KMT5B: variants seen among roughly 807,000 people sequenced by gnomAD.
KMT5B encodes the protein lysine methyltransferase 5B.
In KMT5B, 10 loss-of-function variants were observed where a neutral mutation model predicts 83.2. That is an observed-to-expected ratio of 0.12 (90% confidence interval 0.07 to 0.20). The LOEUF is 0.20. KMT5B is among the 10% of genes least tolerant of loss of function. KMT5B has a pLI of 1.00. For synonymous variants in KMT5B, 349 were observed against 388.8 expected (o/e 0.90, Z 1.20); for missense variants, 753 against 1,067.2 (o/e 0.71, Z 4.10).
chr11:68,173,722 C>A, intron 6 of KMT5B, 82 bp downstream of exon 6: 2 of 973,066 alleles, frequency 2.1e-6, no homozygotes, highest in Non-Finnish European at 3.1e-6. Context: ...TCATTCCTTA[C>A]CATGAATTTC....
intron 10 of KMT5B, among the ~76,000 whole-genome samples, chr11:68,160,891 G>A (rs1299688111): frequency 1.3e-5 from 2 of 152,182 alleles, no homozygotes; most frequent in South Asian, 2.1e-4. Flanking sequence ...AGTTTGCAGT[G>A]AGCCAAAATC....
chr11:68,166,155 T>C, intron 10 of KMT5B: 1 of 1,395,286 alleles, frequency 7.2e-7, no homozygotes, highest in Middle Eastern at 2.6e-4. Flanking sequence ...CTCAAGAGTC[T>C]ACTGCTTTAG....
chr11:68,165,158 C>T (rs562623321), intron 10 of KMT5B, among the ~76,000 whole-genome samples: 1 of 152,300 alleles, frequency 6.6e-6, no homozygotes, highest in South Asian at 2.1e-4. Context: ...AACTCTGTGG[C>T]TGTCTCCATA....
chr11:68,164,779 ATTATTCAGTCCCTCTG>A, intron 10 of KMT5B: 1 of 459,828 alleles, frequency 2.2e-6, no homozygotes, highest in South Asian at 1.5e-5. Context: ...GCTTAAAGCG[ATTATTCAGTCCCTCTG>A]AACTTGAAAG....
intron 1 of KMT5B, among the ~76,000 whole-genome samples, chr11:68,207,706 G>C (rs1057441030): frequency 6.7e-6 from 1 of 149,978 alleles, no homozygotes; most frequent in Non-Finnish European, 1.5e-5. Flanking sequence ...CAGGAGAATC[G>C]CTTGAACCCA....
At chr11:68,161,716 C>T (rs1046528143) in intron 10 of KMT5B, among the ~76,000 whole-genome samples, 3 of 152,148 alleles carry the variant, frequency 2.0e-5, no homozygotes, top group East Asian at 1.9e-4. Context: ...TCAAAGAGAG[C>T]GCACTCTCCT....
chr11:68,206,073 A>G (rs1297716376), intron 1 of KMT5B, among the ~76,000 whole-genome samples: 1 of 152,218 alleles, frequency 6.6e-6, no homozygotes, highest in Non-Finnish European at 1.5e-5. Context: ...TGTAAGAAAG[A>G]CTTCATGTCT....
At chr11:68,202,443 A>G (rs1218099082) in intron 1 of KMT5B, among the ~76,000 whole-genome samples, 2 of 151,678 alleles carry the variant, frequency 1.3e-5, no homozygotes, top group Non-Finnish European at 2.9e-5. Flanking sequence ...CTTGTTATAC[A>G]TTTTAACCCT....
chr11:68,170,440 T>C (rs901380641), intron 9 of KMT5B, among the ~76,000 whole-genome samples: 2 of 152,176 alleles, frequency 1.3e-5, no homozygotes, highest in Non-Finnish European at 2.9e-5. Context: ...TGACGCTCCC[T>C]TCATGGTGCT....
At chr11:68,180,936 C>T (rs574761482) in intron 3 of KMT5B, among the ~76,000 whole-genome samples, 2 of 152,084 alleles carry the variant, frequency 1.3e-5, no homozygotes, top group South Asian at 2.1e-4. Flanking sequence ...GCATTTTGTT[C>T]GTACTATTTC....
At chr11:68,201,150 C>G (rs1256704945) in intron 1 of KMT5B, among the ~76,000 whole-genome samples, 1 of 152,184 alleles carries the variant, frequency 6.6e-6, no homozygotes, top group Non-Finnish European at 1.5e-5. Context: ...AATCATAACA[C>G]GATGCCACTA....
intron 1 of KMT5B, among the ~76,000 whole-genome samples, chr11:68,209,017 G>C (rs1206289724): frequency 6.6e-6 from 1 of 152,162 alleles, no homozygotes; most frequent in African/African-American, 2.4e-5. Flanking sequence ...GGTGCCACTG[G>C]CTCACTGGCT....
In KMT5B at chr11:68,211,928, A is replaced by C. The variant is rs376173958; in HGVS notation, c.-77+1210T>G. Among the ~76,000 whole-genome samples the C allele has an allele frequency of 3.5e-4, 53 of 152,326 alleles. No individual in the cohort carries two copies. In the East Asian group the frequency reaches 7.9e-3, roughly 23 times the overall value. On this transcript the variant is annotated intron_variant, in intron 1 of 10. Coordinates refer to ENST00000304363, the MANE Select transcript of KMT5B (RefSeq NM_017635.5). ...ACCTGGGAATATAAGGCGCTCCAAG[A>C]GGGACAGGGCCACACCTCTGGTTCA...
chr11:68,185,246 C>T lies in KMT5B; in HGVS notation c.308+535G>A, dbSNP rs1313877369. Reference sequence around the variant, plus strand: ...TTGAGATGGAGTTTCGCTCTTGTTGCCCAGACTGGAGTGCAATGGCACGAT... The same window carrying T: ...TTGAGATGGAGTTTCGCTCTTGTTGTCCAGACTGGAGTGCAATGGCACGAT... On this transcript the variant is annotated intron_variant, in intron 3 of 10. Coordinates refer to ENST00000304363, the MANE Select transcript of KMT5B (RefSeq NM_017635.5). Among the ~76,000 whole-genome samples, 3 of 152,128 alleles carry T rather than the reference C, an allele frequency of 2.0e-5. No homozygotes were observed. In the South Asian group the frequency reaches 6.2e-4, roughly 32 times the overall value.
chr11:68,166,415 A>G (rs1164357181), intron 10 of KMT5B: 2 of 1,017,294 alleles, frequency 2.0e-6, no homozygotes, highest in Admixed American at 1.1e-4. Flanking sequence ...GGAGTAGCCA[A>G]TACAGCATGT....
At chr11:68,209,295 CTGT>C (rs1399174261) in intron 1 of KMT5B, among the ~76,000 whole-genome samples, 1 of 152,172 alleles carries the variant, frequency 6.6e-6, no homozygotes, top group Non-Finnish European at 1.5e-5. Flanking sequence ...CTGCCAGGCA[CTGT>C]TCGTGGTGCT....
At chr11:68,200,562 A>C (rs923391872) in intron 1 of KMT5B, among the ~76,000 whole-genome samples, 1 of 152,232 alleles carries the variant, frequency 6.6e-6, no homozygotes, top group Non-Finnish European at 1.5e-5. Flanking sequence ...AACGAGAGAG[A>C]GAGAGACTGA....
intron 1 of KMT5B, among the ~76,000 whole-genome samples, chr11:68,204,343 A>G (rs1235036234): frequency 6.6e-6 from 1 of 152,242 alleles, no homozygotes; most frequent in African/African-American, 2.4e-5. Context: ...TTGAGATAAA[A>G]GAGATTATCC....
chr11:68,195,743 T>G (rs1449423062), intron 1 of KMT5B, among the ~76,000 whole-genome samples: 1 of 152,230 alleles, frequency 6.6e-6, no homozygotes, highest in African/African-American at 2.4e-5. Flanking sequence ...TACTATGTTG[T>G]GACCAGTAAT....
Sources: gnomAD v4.1 joint callset for allele counts (sites outside exome capture counted in the v4.1 genomes callset) on GRCh38, gnomAD v4.1.1 for gene constraint, MANE v1.5 for transcripts, NCBI Gene and HGNC (gene_info 2026-07-23, HGNC 2026-07-21) for gene names.